The following ARHGAP40 variants were observed in gnomAD, a reference collection of about 807,000 sequenced individuals.
The protein encoded by ARHGAP40 is Rho GTPase activating protein 40.
In ARHGAP40, 43 loss-of-function variants were observed where a neutral mutation model predicts 73.5. That is an observed-to-expected ratio of 0.58 (90% CI 0.46 to 0.75). The LOEUF (loss-of-function observed/expected upper bound fraction) is 0.75. ARHGAP40 is among the 30% of genes least tolerant of loss of function. ARHGAP40 has a pLI of 0.00. For synonymous variants in ARHGAP40, 300 were observed against 352.8 expected, an observed-to-expected ratio of 0.85 and a Z score of 1.68; for missense variants, 734 against 861.8, an observed-to-expected ratio of 0.85 and a Z score of 1.86.
chr20:38,636,496 C>G (rs923484635), intron 6 of ARHGAP40, among the ~76,000 whole-genome samples: 1 of 152,084 alleles, frequency 6.6e-6, no homozygotes, highest in Non-Finnish European at 1.5e-5. Flanking sequence ...CTCCTGGGCT[C>G]AAATGATCTT....
intron 1 of ARHGAP40, among the ~76,000 whole-genome samples, chr20:38,617,326 T>G (rs2088847387): frequency 6.6e-6 from 1 of 152,232 alleles, no homozygotes; most frequent in African/African-American, 2.4e-5. Flanking sequence ...CATGGGTTTC[T>G]GCAGCCCTGC....
At chr20:38,619,645 CTGGTAG>C (rs1332010016) in intron 1 of ARHGAP40, among the ~76,000 whole-genome samples, 1 of 143,898 alleles carries the variant, frequency 6.9e-6, no homozygotes, top group African/African-American at 2.6e-5. Flanking sequence ...GTTAAGTGCC[CTGGTAG>C]TGGGGCTTTC....
At chr20:38,641,372 G>T (rs950331210) in intron 9 of ARHGAP40, among the ~76,000 whole-genome samples, 2 of 152,032 alleles carry the variant, frequency 1.3e-5, no homozygotes, top group African/African-American at 4.8e-5. Flanking sequence ...CTTCTATCTG[G>T]GCCCATTGAG....
Position 38,632,773 on chromosome 20 carries a change from C to T in ARHGAP40, c.784-1847C>T, listed in dbSNP as rs1002519911. Among the ~76,000 whole-genome samples, 10 of 151,206 alleles carry T rather than the reference C, an allele frequency of 6.6e-5. No homozygotes were observed. The East Asian group carries it at 9.9e-4, about 15-fold the overall frequency. On this transcript the variant is annotated intron_variant, in intron 5 of 14. Transcript: ENST00000373345. ...GGAGGATCACTTGAGGCCAGAAATT[C>T]GAGACCAGCCTGGGCAACATAGCAA...
chr20:38,624,807 C>G (rs1797780432), intron 2 of ARHGAP40, among the ~76,000 whole-genome samples: 1 of 152,242 alleles, frequency 6.6e-6, no homozygotes, highest in East Asian at 1.9e-4. Context: ...TCTCTAGCCC[C>G]TGCCCTACTC....
At chr20:38,648,781 G>A in intron 14 of ARHGAP40, 83 bp downstream of exon 14, 1 of 1,173,470 alleles carries the variant, frequency 8.5e-7, no homozygotes, top group South Asian at 1.3e-5. Flanking sequence ...GCCCTTCTGT[G>A]GGAGGCCAGA....
chr20:38,631,117 G>A (rs963538654), intron 5 of ARHGAP40, among the ~76,000 whole-genome samples: 2 of 152,068 alleles, frequency 1.3e-5, no homozygotes, highest in African/African-American at 4.8e-5. Flanking sequence ...TTTGAAACCA[G>A]CCTGGGCAAC....
chr20:38,602,111 G>A, intron 1 of ARHGAP40, 32 bp downstream of exon 1: 1 of 1,264,510 alleles, frequency 7.9e-7, no homozygotes, highest in South Asian at 1.3e-5. Flanking sequence ...GAGGGAAGTT[G>A]GCCCTACTAT....
intron 6 of ARHGAP40, among the ~76,000 whole-genome samples, chr20:38,635,719 AAT>A (rs1856417417): frequency 6.6e-6 from 1 of 151,964 alleles, no homozygotes; most frequent in Admixed American, 6.6e-5. Flanking sequence ...TATATAATAG[AAT>A]ATATTATAGT....
intron 13 of ARHGAP40, among the ~76,000 whole-genome samples, chr20:38,647,896 C>T (rs998237213): frequency 5.3e-5 from 8 of 152,172 alleles, no homozygotes; most frequent in Non-Finnish European, 8.8e-5. Flanking sequence ...CATCTGGGAG[C>T]GAGGTGAGGC....
intron 1 of ARHGAP40, among the ~76,000 whole-genome samples, chr20:38,615,855 G>A (rs558239950): frequency 2.4e-4 from 36 of 152,290 alleles, no homozygotes; most frequent in Non-Finnish European, 4.7e-4. Flanking sequence ...TTCCCTAAGC[G>A]ACGATTGTGT....
chr20:38,629,420 G>A (rs1391377055), intron 4 of ARHGAP40, 82 bp from the exon 5 acceptor site: 2 of 1,259,672 alleles, frequency 1.6e-6, no homozygotes, highest in Non-Finnish European at 2.1e-6. Flanking sequence ...AGGACTAAGG[G>A]CCTAAGTCCC....
At chr20:38,641,496 C>T (rs991681705) in intron 9 of ARHGAP40, among the ~76,000 whole-genome samples, 5 of 152,156 alleles carry the variant, frequency 3.3e-5, no homozygotes, top group South Asian at 2.1e-4. Flanking sequence ...CACATGCATG[C>T]GTGTGTTTAT....
intron 8 of ARHGAP40, 35 bp from the exon 9 acceptor site, chr20:38,639,192 G>T (rs960758496): frequency 7.7e-7 from 1 of 1,302,806 alleles, no homozygotes; most frequent in Non-Finnish European, 1.0e-6. Flanking sequence ...CAGAGCCCTG[G>T]GCCAACTGTG....
At chr20:38,636,276 T>A (rs2088974709) in intron 6 of ARHGAP40, among the ~76,000 whole-genome samples, 1 of 151,736 alleles carries the variant, frequency 6.6e-6, no homozygotes, top group South Asian at 2.1e-4. Flanking sequence ...TTTTTTTTTT[T>A]TTTGAGAGAA....
At chr20:38,604,879 T>G (rs866200701) in intron 1 of ARHGAP40, among the ~76,000 whole-genome samples, 4 of 152,014 alleles carry the variant, frequency 2.6e-5, no homozygotes, top group Middle Eastern at 3.4e-3. Flanking sequence ...ACTTATAAAA[T>G]CAGCTTATAA....
intron 1 of ARHGAP40, among the ~76,000 whole-genome samples, chr20:38,611,261 G>A (rs556270300): frequency 6.6e-6 from 1 of 152,166 alleles, no homozygotes; most frequent in African/African-American, 2.4e-5. Context: ...CGTATAATGA[G>A]GTGTGTCCAA....
intron 7 of ARHGAP40, among the ~76,000 whole-genome samples, chr20:38,638,269 C>T (rs574664969): frequency 7.2e-5 from 11 of 151,928 alleles, no homozygotes; most frequent in African/African-American, 1.2e-4. Flanking sequence ...GAGCCGAGAT[C>T]GCGCCACTGC....
rs990965178 is a variant in ARHGAP40, at chr20:38,626,982, C to A, written c.338-13C>A. 1 of 1,302,814 alleles carries A rather than the reference C, an allele frequency of 7.7e-7. No homozygotes were observed. Among genetic ancestry groups the A allele is most frequent in the Non-Finnish European group, 1.0e-6 (1 of 988,254 alleles). 80.7% of individuals were successfully genotyped at this position (1,302,814 alleles called of 1,614,324 possible). ...GCTGTGTGTGTTCATCTGGGTTCTA[C>A]TTCTGTTGGCAGAAGGGGAAGCTGA... On this transcript the variant is annotated splice_polypyrimidine_tract_variant and intron_variant, in intron 2 of 14. Coordinates refer to ENST00000373345, the Ensembl canonical transcript of ARHGAP40.
Sources: allele counts gnomAD v4.1 joint callset (sites outside exome capture counted in the v4.1 genomes callset), GRCh38; gene constraint gnomAD v4.1.1; transcripts MANE v1.5; gene names NCBI Gene and HGNC (gene_info 2026-07-23, HGNC 2026-07-21).